LRRTM4: variants seen among roughly 807,000 people sequenced by gnomAD.
LRRTM4 encodes leucine rich repeat transmembrane neuronal 4.
In LRRTM4, 25 loss-of-function variants were observed where a neutral mutation model predicts 47.6. The ratio of observed to expected loss-of-function variants is 0.53; its 90% CI spans 0.38 to 0.73. The LOEUF is 0.73. Among genes scored for constraint, LRRTM4 ranks in the 30% least tolerant of loss-of-function variants. The probability of loss-of-function intolerance (pLI) is 0.00; values close to 1 mark genes in which losing one functional copy is unlikely to be tolerated. For missense variants in LRRTM4, 638 were observed against 713.4 expected (o/e 0.89, Z 1.20); for synonymous variants, 311 against 269.5 (o/e 1.15, Z -1.51).
intron 3 of LRRTM4, among the ~76,000 whole-genome samples, chr2:76,846,318 G>A (rs1006882337): frequency 6.6e-6 from 1 of 152,118 alleles, no homozygotes; most frequent in Non-Finnish European, 1.5e-5. Flanking sequence ...TGCCCCAGGT[G>A]TCCTCACTTT....
chr2:76,971,701 T>C (rs150356199), intron 3 of LRRTM4, among the ~76,000 whole-genome samples: 67 of 152,168 alleles, frequency 4.4e-4, no homozygotes, highest in African/African-American at 1.6e-3. Context: ...TTTAACTGTA[T>C]TAATTGTATT....
intron 3 of LRRTM4, among the ~76,000 whole-genome samples, chr2:76,903,691 C>T (rs1379464421): frequency 1.3e-5 from 2 of 152,044 alleles, no homozygotes; most frequent in African/African-American, 2.4e-5. Flanking sequence ...ATTCTTGTAA[C>T]TAGGATAAAT....
intron 3 of LRRTM4, among the ~76,000 whole-genome samples, chr2:76,812,687 CTTTCTTTCTTTTCTTTCTTTA>C (rs1670770221): frequency 6.7e-6 from 1 of 150,110 alleles, no homozygotes; most frequent in Non-Finnish European, 1.5e-5. Flanking sequence ...TTCTTTCTTT[CTTTCTTTCTTTTCTTTCTTTA>C]TTTCTTTTTC....
At chr2:76,940,405 C>A (rs10186670) in intron 3 of LRRTM4, among the ~76,000 whole-genome samples, 44,111 of 152,012 alleles carry the variant, frequency 0.29, 8,348 homozygotes, top group African/African-American at 0.54. Flanking sequence ...CAGATACCAC[C>A]TGTTCTCACT....
chr2:77,228,680 T>C (rs1397457982), intron 3 of LRRTM4, among the ~76,000 whole-genome samples: 7 of 152,214 alleles, frequency 4.6e-5, no homozygotes, highest in South Asian at 4.1e-4. Flanking sequence ...GTTAGCAAGA[T>C]TGGCTTTCAG....
At chr2:76,984,446 T>G (rs11126578) in intron 3 of LRRTM4, among the ~76,000 whole-genome samples, 7,903 of 152,022 alleles carry the variant, frequency 0.052, 449 homozygotes, top group East Asian at 0.17. Context: ...TTGTTCTACA[T>G]CCAAAATTCC....
chr2:76,898,779 G>T (rs1673513730), intron 3 of LRRTM4, among the ~76,000 whole-genome samples: 1 of 150,834 alleles, frequency 6.6e-6, no homozygotes. Context: ...ATAAAATATA[G>T]TCACTATACA....
chr2:77,313,658 T>C (rs953329504), intron 3 of LRRTM4, among the ~76,000 whole-genome samples: 4 of 152,156 alleles, frequency 2.6e-5, no homozygotes, highest in Middle Eastern at 3.4e-3. Flanking sequence ...ATTATCCCTC[T>C]TGTTAATCAA....
At position 77,239,317 on chromosome 2, in the gene LRRTM4, C is replaced by T. The variant is rs571790351; in HGVS notation, c.1551+279001G>A. ...ATAAATAAGGAGCAAATATTGTAGT[C>T]AAAATGAAATAATAGAAATATACTT... On this transcript the variant is annotated intron_variant, in intron 3 of 3. Transcript: ENST00000409884. 2.2e-3 allele frequency among the ~76,000 whole-genome samples: 332 copies of T among 151,702 alleles called. 5 individuals are homozygous for T. The highest frequency in any genetic ancestry group is 7.5e-3 in the African/African-American group (309 of 41,422).
At chr2:77,193,052 G>GT (rs1386524375) in intron 3 of LRRTM4, among the ~76,000 whole-genome samples, 1 of 152,100 alleles carries the variant, frequency 6.6e-6, no homozygotes, top group Non-Finnish European at 1.5e-5. Context: ...ACTGAAAAAT[G>GT]TCTACTGCTT....
chr2:77,240,192 T>C (rs1168121104), intron 3 of LRRTM4, among the ~76,000 whole-genome samples: 2 of 151,856 alleles, frequency 1.3e-5, no homozygotes, highest in Non-Finnish European at 2.9e-5. Context: ...TAGCACACCA[T>C]ACAAAATGAC....
chr2:77,401,494 T>C (rs1489662137), intron 3 of LRRTM4, among the ~76,000 whole-genome samples: 2 of 151,988 alleles, frequency 1.3e-5, no homozygotes, highest in South Asian at 2.1e-4. Flanking sequence ...ATTTTCTTCT[T>C]ATCCTCTCTA....
At chr2:77,029,721 G>A (rs75914542) in intron 3 of LRRTM4, among the ~76,000 whole-genome samples, 2,742 of 152,278 alleles carry the variant, frequency 0.018, 73 homozygotes, top group African/African-American at 0.062. Context: ...TCTGAAGAGA[G>A]GGAATAAATG....
At chr2:77,479,137 C>A (rs1209219956) in intron 3 of LRRTM4, among the ~76,000 whole-genome samples, 1 of 152,088 alleles carries the variant, frequency 6.6e-6, no homozygotes, top group Non-Finnish European at 1.5e-5. Flanking sequence ...CTCAGGGGAT[C>A]CACCTGTCTC....
At chr2:77,259,682 A>G (rs78932878) in intron 3 of LRRTM4, among the ~76,000 whole-genome samples, 3,148 of 152,156 alleles carry the variant, frequency 0.021, 103 homozygotes, top group African/African-American at 0.071. Context: ...AAGGTTATAT[A>G]TGAAGGATGA....
chr2:77,052,259 C>A (rs1457096727), intron 3 of LRRTM4, among the ~76,000 whole-genome samples: 1 of 150,166 alleles, frequency 6.7e-6, no homozygotes, highest in Non-Finnish European at 1.5e-5. Context: ...ACCTCCGGCT[C>A]CCAGATTCAA....
intron 3 of LRRTM4, among the ~76,000 whole-genome samples, chr2:77,167,581 A>T (rs1672922081): frequency 6.6e-6 from 1 of 152,244 alleles, no homozygotes; most frequent in Non-Finnish European, 1.5e-5. Flanking sequence ...GACTGGATTA[A>T]GAAAATGTGG....
chr2:77,105,929 T>C (rs924319992), intron 3 of LRRTM4, among the ~76,000 whole-genome samples: 1 of 152,202 alleles, frequency 6.6e-6, no homozygotes, highest in Non-Finnish European at 1.5e-5. Flanking sequence ...AATTTCTTAC[T>C]CAATTAGTTC....
At chr2:77,216,007 C>T (rs1674426224) in intron 3 of LRRTM4, among the ~76,000 whole-genome samples, 2 of 152,148 alleles carry the variant, frequency 1.3e-5, no homozygotes, top group Admixed American at 6.6e-5. Flanking sequence ...GTGCTACCTG[C>T]AGAACGTTAG....
Sources: gnomAD v4.1 joint callset for allele counts (sites outside exome capture counted in the v4.1 genomes callset) on GRCh38, gnomAD v4.1.1 for gene constraint, MANE v1.5 for transcripts, NCBI Gene and HGNC (gene_info 2026-07-23, HGNC 2026-07-21) for gene names.